EPHA5: variants seen among roughly 807,000 people sequenced by gnomAD.
EPHA5 encodes ephrin type-A receptor 5.
EPHA5 carries 60 observed loss-of-function variants against 105.0 expected under a neutral mutation model. The observed-to-expected ratio is 0.57, with a 90% CI of 0.46 to 0.71. EPHA5 has a LOEUF of 0.71. EPHA5 is among the 30% of genes least tolerant of loss of function. EPHA5 has a pLI of 0.00. For synonymous variants in EPHA5, 513 were observed against 449.1 expected, an observed-to-expected ratio of 1.14 and a Z score of -1.80; for missense variants, 1,218 against 1,274.7, an observed-to-expected ratio of 0.96 and a Z score of 0.68.
rs142880919 is a variant in EPHA5, at chr4:65,365,298, A to AAAACAAAC, written c.1988-104_1988-97dup. On this transcript the variant is annotated intron_variant, in intron 10 of 16. Coordinates refer to ENST00000613740, the MANE Select transcript of EPHA5 (RefSeq NM_001281766.3). Reference sequence around the variant, plus strand: ...CTTAGACTACTAAGGCTTAGATGAAAAAACAAACAAACAAACAAACAAACA... The same window carrying AAAACAAAC: ...CTTAGACTACTAAGGCTTAGATGAAAAAACAAACAAACAAACAAACAAACAAACAAACA... The AAAACAAAC allele has an allele frequency of 1.2e-5, 12 of 960,238 alleles. No homozygotes were observed. In the Admixed American group the frequency reaches 1.4e-4, roughly 11 times the overall value. 59.5% of individuals were successfully genotyped at this position (960,238 alleles called of 1,614,324 possible).
intron 8 of EPHA5, among the ~76,000 whole-genome samples, chr4:65,371,891 C>G (rs1437255127): frequency 3.3e-5 from 5 of 151,926 alleles, no homozygotes; most frequent in Admixed American, 2.0e-4. Flanking sequence ...AAAGAGTGAG[C>G]ATATGCAGTG....
At chr4:65,442,726 A>C (rs1726140902) in intron 5 of EPHA5, among the ~76,000 whole-genome samples, 1 of 152,220 alleles carries the variant, frequency 6.6e-6, no homozygotes, top group Non-Finnish European at 1.5e-5. Flanking sequence ...AAAATTACAT[A>C]TGCCCACCAC....
chr4:65,456,377 C>T (rs1727589818), intron 5 of EPHA5, among the ~76,000 whole-genome samples: 1 of 151,942 alleles, frequency 6.6e-6, no homozygotes, highest in South Asian at 2.1e-4. Context: ...TATAATCTGC[C>T]ATATTCTAAG....
chr4:65,352,991 T>G, intron 12 of EPHA5, 51 bp downstream of exon 12: 1 of 1,278,998 alleles, frequency 7.8e-7, no homozygotes, highest in Non-Finnish European at 1.1e-6. Flanking sequence ...CAGCACAACA[T>G]CACAATATAT....
intron 14 of EPHA5, among the ~76,000 whole-genome samples, chr4:65,339,101 G>A (rs1721457569): frequency 6.6e-6 from 1 of 152,138 alleles, no homozygotes; most frequent in Non-Finnish European, 1.5e-5. Context: ...CATGTAAACT[G>A]ATAGTCTGAA....
chr4:65,482,370 A>G (rs550011731), intron 5 of EPHA5, among the ~76,000 whole-genome samples: 6 of 152,050 alleles, frequency 3.9e-5, no homozygotes, highest in Non-Finnish European at 4.4e-5. Context: ...TTTCTTCACT[A>G]TAACAATAAA....
chr4:65,335,254 G>A (rs1721060369), intron 15 of EPHA5, among the ~76,000 whole-genome samples: 2 of 151,872 alleles, frequency 1.3e-5, no homozygotes, highest in Admixed American at 1.3e-4. Context: ...TTTTTGAGAA[G>A]ATAATTCTGT....
At chr4:65,630,994 A>G (rs1398474556) in intron 2 of EPHA5, among the ~76,000 whole-genome samples, 1 of 152,168 alleles carries the variant, frequency 6.6e-6, no homozygotes, top group Non-Finnish European at 1.5e-5. Flanking sequence ...CTTAAGAGAA[A>G]AAGCGGAACA....
intron 5 of EPHA5, among the ~76,000 whole-genome samples, chr4:65,466,010 A>G (rs2149144654): frequency 6.6e-6 from 1 of 152,358 alleles, no homozygotes; most frequent in Middle Eastern, 3.4e-3. Flanking sequence ...AAAAAAAGAC[A>G]TAAAAATTAA....
intron 8 of EPHA5, among the ~76,000 whole-genome samples, chr4:65,371,502 T>A (rs1718466317): frequency 6.6e-6 from 1 of 152,116 alleles, no homozygotes; most frequent in South Asian, 2.1e-4. Context: ...CAAATTTGGA[T>A]ATTTAAGAAT....
intron 3 of EPHA5, among the ~76,000 whole-genome samples, chr4:65,533,732 G>A (rs1283622565): frequency 2.0e-5 from 3 of 152,012 alleles, no homozygotes; most frequent in African/African-American, 7.2e-5. Flanking sequence ...GTCAGGAGTT[G>A]AGACCAGTCT....
chr4:65,525,378 T>A (rs1304867053), intron 3 of EPHA5, among the ~76,000 whole-genome samples: 1 of 151,850 alleles, frequency 6.6e-6, no homozygotes, highest in Admixed American at 6.6e-5. Context: ...TAAAGACAGA[T>A]TTAAATTTTA....
chr4:65,587,122 C>T (rs373588333), intron 3 of EPHA5, among the ~76,000 whole-genome samples: 1 of 152,128 alleles, frequency 6.6e-6, no homozygotes, highest in East Asian at 1.9e-4. Flanking sequence ...AACTGAAAGT[C>T]TCCTCCAGTC....
intron 16 of EPHA5, among the ~76,000 whole-genome samples, chr4:65,329,696 G>A (rs965518854): frequency 4.6e-5 from 7 of 150,862 alleles, no homozygotes; most frequent in African/African-American, 1.7e-4. Context: ...TAATACTTAG[G>A]TATGGGGTAA....
intron 2 of EPHA5, among the ~76,000 whole-genome samples, chr4:65,641,598 A>AT (rs1049729048): frequency 3.8e-4 from 58 of 152,100 alleles, no homozygotes; most frequent in Non-Finnish European, 6.9e-4. Flanking sequence ...AATATAATAC[A>AT]TTTTTTCCTT....
chr4:65,339,147 T>A (rs1721462428), intron 14 of EPHA5, among the ~76,000 whole-genome samples: 1 of 152,126 alleles, frequency 6.6e-6, no homozygotes, highest in African/African-American at 2.4e-5. Context: ...CCTAAAAACA[T>A]AACTTAGCCC....
intron 1 of EPHA5, among the ~76,000 whole-genome samples, chr4:65,667,707 T>C (rs983026138): frequency 1.3e-5 from 2 of 152,202 alleles, no homozygotes; most frequent in Non-Finnish European, 2.9e-5. Flanking sequence ...TCCCATTCAG[T>C]GTCACTCTCC....
chr4:65,574,520 T>C (rs1025935207), intron 3 of EPHA5, among the ~76,000 whole-genome samples: 1 of 147,786 alleles, frequency 6.8e-6, no homozygotes, highest in Non-Finnish European at 1.5e-5. Context: ...TCATTCCACA[T>C]AATGTAGTCT....
At chr4:65,608,834 C>A (rs1237281721) in intron 2 of EPHA5, among the ~76,000 whole-genome samples, 1 of 152,036 alleles carries the variant, frequency 6.6e-6, no homozygotes, top group Non-Finnish European at 1.5e-5. Flanking sequence ...CTAATTAGGG[C>A]CTAATTAATG....
Sources: gnomAD v4.1 joint callset for allele counts (sites outside exome capture counted in the v4.1 genomes callset) on GRCh38, gnomAD v4.1.1 for gene constraint, MANE v1.5 for transcripts, NCBI Gene and HGNC (gene_info 2026-07-23, HGNC 2026-07-21) for gene names.